DEGS2: variants seen among roughly 807,000 people sequenced by gnomAD.
DEGS2 encodes the protein delta 4-desaturase, sphingolipid 2.
In DEGS2, 19 loss-of-function variants were observed where a neutral mutation model predicts 23.8. The observed-to-expected ratio is 0.80, with a 90% confidence interval of 0.56 to 1.17. The LOEUF is 1.17. Among genes scored for constraint, DEGS2 ranks in the 50% most tolerant of loss-of-function variants. The pLI is 0.00. For synonymous variants in DEGS2, 218 were observed against 213.7 expected (o/e 1.02, Z -0.18); for missense variants, 390 against 459.5 (o/e 0.85, Z 1.38).
At chr14:100,166,312 G>A in the DEGS2 span, among the ~76,000 whole-genome samples, 1 of 22,870 alleles carries the variant, frequency 4.4e-5, no homozygotes, top group Admixed American at 4.5e-4. Context: ...GGGCTGTGGG[G>A]GAGCCTGCCC....
Position 100,143,961 on chromosome 14 carries a change from C to CT in DEGS2, c.*2799dup. ...GACACGGAACACCAGGTCTGCTCGT[C>CT]TTTTTTGTGTTTTATATTTGCTTAT... On this transcript the variant is annotated 3_prime_UTR_variant, in exon 3 of 3. Transcript: ENST00000305631. 1 of 549,666 alleles carries CT rather than the reference C, an allele frequency of 1.8e-6. No homozygotes were observed. The highest frequency in any genetic ancestry group is 2.8e-4 in the Middle Eastern group (1 of 3,584). 34.0% of individuals were successfully genotyped at this position (549,666 alleles called of 1,614,324 possible).
the DEGS2 span, among the ~76,000 whole-genome samples, chr14:100,166,292 A>G: frequency 9.0e-5 from 4 of 44,244 alleles, no homozygotes; most frequent in African/African-American, 1.2e-4. Flanking sequence ...GAGTGGGGGG[A>G]GCCTGCCCGG....
chr14:100,158,594 T>G (rs985104958), intron 1 of DEGS2, among the ~76,000 whole-genome samples: 2 of 151,428 alleles, frequency 1.3e-5, no homozygotes, highest in Non-Finnish European at 2.9e-5. Flanking sequence ...CTCCATCAAA[T>G]AAGTGCAAAT....
At chr14:100,153,940 C>T (rs61991317) in intron 1 of DEGS2, among the ~76,000 whole-genome samples, 4,806 of 152,172 alleles carry the variant, frequency 0.032, 96 homozygotes, top group Non-Finnish European at 0.04. Context: ...CAAGGCTGAC[C>T]GAGCCAAGAC....
upstream of DEGS2, among the ~76,000 whole-genome samples, chr14:100,161,014 A>G (rs1239369408): frequency 6.6e-6 from 1 of 152,228 alleles, no homozygotes; most frequent in East Asian, 1.9e-4. Flanking sequence ...AAGGGTCCTC[A>G]GAAGTCATCC....
chr14:100,161,342 G>A (rs555964038), upstream of DEGS2, among the ~76,000 whole-genome samples: 10 of 152,314 alleles, frequency 6.6e-5, no homozygotes, highest in African/African-American at 2.2e-4. Flanking sequence ...GGACAAGTCA[G>A]AGGACATGCT....
upstream of DEGS2, chr14:100,159,858 G>C: frequency 3.8e-6 from 1 of 262,546 alleles, no homozygotes; most frequent in Non-Finnish European, 7.2e-6. Context: ...AGGTGGCCGC[G>C]TGCCATCTGC....
chr14:100,151,745 C>T (rs1216502716), intron 1 of DEGS2, among the ~76,000 whole-genome samples: 2 of 152,220 alleles, frequency 1.3e-5, no homozygotes, highest in South Asian at 2.1e-4. Flanking sequence ...CCTCACTGAA[C>T]ACCCCAGCCT....
Position 100,146,905 on chromosome 14 carries a change from C to T in DEGS2, c.828G>A (p.Val276=), listed in dbSNP as rs1345763992. The change falls in exon 3 of 3, where the codon GTG becomes GTA. Residue 276 remains valine, a splice_region_variant and synonymous_variant. Coordinates refer to ENST00000305631, the MANE Select transcript of DEGS2 (RefSeq NM_206918.3). The part of the protein sequence containing the change: ...PSIPGYNLPL[V]RKIAPEYYDH... ...CGTAGTACTCGGGCGCGATCTTCCG[C>T]ACCTGTAGAGAGGAGGGCGGGGCTC... is the stretch of plus-strand genomic sequence containing the variant. 3.7e-6 allele frequency: 6 copies of T among 1,612,130 alleles called. No homozygotes were observed. In the Admixed American group the frequency reaches 1.0e-4, roughly 27 times the overall value.
chr14:100,157,945 G>A (rs1261132629), intron 1 of DEGS2, among the ~76,000 whole-genome samples: 1 of 151,886 alleles, frequency 6.6e-6, no homozygotes, highest in East Asian at 1.9e-4. Flanking sequence ...AAATTAGCCG[G>A]GTGTGGTGGC....
At chr14:100,159,478 A>G in intron 1 of DEGS2, 28 bp downstream of exon 1, 1 of 1,460,296 alleles carries the variant, frequency 6.8e-7, no homozygotes, top group East Asian at 3.0e-5. Context: ...GGCGGTCCCC[A>G]CCGGGGTGGG....
chr14:100,165,054 T>C, the DEGS2 span, among the ~76,000 whole-genome samples: 6 of 152,216 alleles, frequency 3.9e-5, no homozygotes, highest in Admixed American at 3.9e-4. Flanking sequence ...TTATTTTCTG[T>C]GTCCTGGGGC....
chr14:100,160,417 A>G (rs1038046790), upstream of DEGS2, among the ~76,000 whole-genome samples: 3 of 152,214 alleles, frequency 2.0e-5, no homozygotes, highest in African/African-American at 7.2e-5. Context: ...AGGGAAAGGC[A>G]TTGGTGCTAG....
chr14:100,146,433 C>T lies in DEGS2; in HGVS notation c.*328G>A, dbSNP rs1393574829. The T allele has an allele frequency of 2.1e-5, 6 of 284,666 alleles. No individual in the cohort carries two copies. The highest frequency in any genetic ancestry group is 1.6e-4 in the South Asian group (3 of 18,858). 17.6% of individuals were successfully genotyped at this position (284,666 alleles called of 1,614,324 possible). A position where few individuals can be genotyped will look rare whatever the true frequency, so the allele number is the denominator to read the frequency against. ...AATCCATGGGCTGTGAAACAAACGC[C>T]GGGTTTAATGTAGGGCACAGGCACC... On this transcript the variant is annotated 3_prime_UTR_variant, in exon 3 of 3. Coordinates refer to ENST00000305631, the MANE Select transcript of DEGS2 (RefSeq NM_206918.3).
At chr14:100,154,855 G>A (rs1377147057) in intron 1 of DEGS2, among the ~76,000 whole-genome samples, 1 of 152,058 alleles carries the variant, frequency 6.6e-6, no homozygotes, top group African/African-American at 2.4e-5. Flanking sequence ...GCCCCCCCAC[G>A]CCACACCCCT....
rs769172630 is a variant in DEGS2, at chr14:100,149,655, C to G, written c.138G>C (p.Ala46=). 5 of 1,611,728 alleles carry G rather than the reference C, an allele frequency of 3.1e-6. No homozygotes were observed. Among genetic ancestry groups the G allele is most frequent in the Non-Finnish European group, 3.4e-6 (4 of 1,179,470 alleles). Residue 46 remains alanine (A), a synonymous_variant, in exon 2 of 3, where the codon GCG becomes GCC. Transcript: ENST00000305631. ...LMRPDPRLKW[A]VLVLVLVQML... is the part of the protein sequence containing the mutation. ...TCTGCACCAGCACCAGCACCAGCAC[C>G]GCCCACTTGAGGCGCGGGTCTGGCC...
rs1430994337 is a variant in DEGS2, at chr14:100,159,492, C to A, written c.82+14G>T. ...GGGCGGTCCCCACCGGGGTGGGCCC[C>A]GCGCGGCGCTCACCCAGTATCTCCT... On this transcript the variant is annotated intron_variant, in intron 1 of 2. Coordinates refer to ENST00000305631, the MANE Select transcript of DEGS2 (RefSeq NM_206918.3). 5 of 1,484,508 alleles carry A rather than the reference C, an allele frequency of 3.4e-6. No individual in the cohort carries two copies. In the East Asian group the frequency reaches 1.1e-4, roughly 34 times the overall value. 92.0% of individuals were successfully genotyped at this position (1,484,508 alleles called of 1,614,324 possible).
intron 1 of DEGS2, among the ~76,000 whole-genome samples, chr14:100,154,127 G>A (rs921841381): frequency 4.6e-5 from 7 of 152,206 alleles, no homozygotes; most frequent in Admixed American, 2.0e-4. Flanking sequence ...CACTTTGGGA[G>A]GCTGAGACGG....
At chr14:100,161,679 TATAAG>T (rs1474100364), upstream of DEGS2, among the ~76,000 whole-genome samples, 1 of 152,228 alleles carries the variant, frequency 6.6e-6, no homozygotes, top group Non-Finnish European at 1.5e-5. Flanking sequence ...TGCACCATAT[TATAAG>T]ATATTAAAAT....
Sources: allele counts gnomAD v4.1 joint callset (sites outside exome capture counted in the v4.1 genomes callset), GRCh38; gene constraint gnomAD v4.1.1; transcripts MANE v1.5; gene names NCBI Gene and HGNC (gene_info 2026-07-23, HGNC 2026-07-21).